PCCA: variants seen among roughly 807,000 people sequenced by gnomAD.
PCCA encodes propionyl-CoA carboxylase subunit alpha.
PCCA carries 74 observed loss-of-function variants against 101.3 expected under a neutral mutation model. That is an observed-to-expected ratio of 0.73 (90% confidence interval 0.61 to 0.89). The LOEUF is 0.89. Ranked by LOEUF, PCCA falls within the 40% of genes least tolerant of loss-of-function variation. The pLI is 0.00. For missense variants in PCCA, 891 were observed against 907.0 expected, an observed-to-expected ratio of 0.98 and a Z score of 0.23; for synonymous variants, 294 against 313.6, an observed-to-expected ratio of 0.94 and a Z score of 0.66.
Position 100,422,118 on chromosome 13 carries a change from C to CTTTG in PCCA, c.1747-3512_1747-3511insGTTT, listed in dbSNP as rs1567109563. 5.9e-5 allele frequency among the ~76,000 whole-genome samples: 3 copies of CTTTG among 51,184 alleles called. No individual in the cohort carries two copies. In the East Asian group the frequency reaches 1.9e-3, roughly 32 times the overall value. The allele number at this position is 51,184 out of a possible 152,430, so 33.6% of individuals were successfully genotyped here. ...TCTTTCTTTCTTTCTTTCTTTCTTTCTTTTCTTTCTTTCTTTCTTTTTTTT... is the reference window on the plus strand; with the variant it reads ...TCTTTCTTTCTTTCTTTCTTTCTTTCTTTGTTTTCTTTCTTTCTTTCTTTTTTTT... On this transcript the variant is annotated intron_variant, in intron 19 of 23. Transcript: ENST00000376285.
intron 19 of PCCA, among the ~76,000 whole-genome samples, chr13:100,384,173 G>A (rs545871145): frequency 6.6e-6 from 1 of 151,980 alleles, no homozygotes; most frequent in Non-Finnish European, 1.5e-5. Context: ...TTACAGGCAC[G>A]TGCCACCACG....
At chr13:100,469,208 TC>T (rs1451404331) in intron 21 of PCCA, among the ~76,000 whole-genome samples, 3 of 25,714 alleles carry the variant, frequency 1.2e-4, no homozygotes, top group African/African-American at 6.4e-4. Context: ...TGAAACTCCG[TC>T]TCAAAAAAAA....
intron 19 of PCCA, among the ~76,000 whole-genome samples, chr13:100,372,017 T>C (rs1004053486): frequency 1.3e-5 from 2 of 152,176 alleles, no homozygotes; most frequent in African/African-American, 4.8e-5. Flanking sequence ...AAGACCTAAA[T>C]GTAAGAGCTA....
chr13:100,523,484 A>G (rs1176524835), intron 22 of PCCA, among the ~76,000 whole-genome samples: 3 of 152,132 alleles, frequency 2.0e-5, no homozygotes, highest in African/African-American at 7.2e-5. Context: ...ATCACTCACA[A>G]TTCATCATCA....
chr13:100,200,281 T>G (rs1273415577), intron 6 of PCCA, among the ~76,000 whole-genome samples: 1 of 152,124 alleles, frequency 6.6e-6, no homozygotes, highest in Non-Finnish European at 1.5e-5. Flanking sequence ...TGTTTTTGTA[T>G]TTTTAGTATA....
At chr13:100,484,889 T>A (rs2084248475) in intron 21 of PCCA, among the ~76,000 whole-genome samples, 2 of 151,918 alleles carry the variant, frequency 1.3e-5, no homozygotes, top group Admixed American at 1.3e-4. Context: ...CAAGTTCTGG[T>A]GGTGACTGGT....
chr13:100,153,391 A>G (rs1308970342), intron 4 of PCCA, among the ~76,000 whole-genome samples: 1 of 152,214 alleles, frequency 6.6e-6, no homozygotes, highest in Non-Finnish European at 1.5e-5. Context: ...GTACTTGGGA[A>G]AGATCCAGTG....
intron 21 of PCCA, among the ~76,000 whole-genome samples, chr13:100,459,994 G>A (rs368579803): frequency 1.4e-4 from 21 of 152,176 alleles, no homozygotes; most frequent in African/African-American, 2.4e-4. Context: ...GAAAGGCTGC[G>A]TCTCCAAATA....
intron 18 of PCCA, among the ~76,000 whole-genome samples, chr13:100,346,787 C>A (rs1448564114): frequency 6.6e-6 from 1 of 152,182 alleles, no homozygotes; most frequent in African/African-American, 2.4e-5. Context: ...CAGCATCCAT[C>A]AGCCTGATCA....
intron 10 of PCCA, among the ~76,000 whole-genome samples, chr13:100,267,963 A>G (rs916505987): frequency 2.0e-5 from 3 of 152,090 alleles, no homozygotes; most frequent in African/African-American, 7.2e-5. Flanking sequence ...AATGCTTGGG[A>G]CCAGAAGTGT....
At chr13:100,106,700 C>T (rs964048705) in intron 2 of PCCA, among the ~76,000 whole-genome samples, 12 of 152,112 alleles carry the variant, frequency 7.9e-5, no homozygotes, top group Non-Finnish European at 1.8e-4. Flanking sequence ...TAGGCATGAG[C>T]GACCGTGCCT....
At chr13:100,447,730 T>C (rs1029800024) in intron 20 of PCCA, among the ~76,000 whole-genome samples, 7 of 152,198 alleles carry the variant, frequency 4.6e-5, no homozygotes, top group African/African-American at 7.2e-5. Flanking sequence ...TGATTTTTTT[T>C]CTACTCTATA....
chr13:100,353,588 A>G (rs2073549968), intron 18 of PCCA, among the ~76,000 whole-genome samples: 1 of 152,184 alleles, frequency 6.6e-6, no homozygotes, highest in Non-Finnish European at 1.5e-5. Context: ...TAAACATCAC[A>G]ACATCTAAAA....
At chr13:100,090,780 G>T (rs557781148) in intron 1 of PCCA, among the ~76,000 whole-genome samples, 2 of 152,274 alleles carry the variant, frequency 1.3e-5, no homozygotes, top group African/African-American at 4.8e-5. Flanking sequence ...CACAACAGTC[G>T]TATGTCCCCC....
chr13:100,311,037 C>T (rs1341512933), intron 16 of PCCA, among the ~76,000 whole-genome samples: 3 of 151,698 alleles, frequency 2.0e-5, no homozygotes, highest in Non-Finnish European at 4.4e-5. Flanking sequence ...AGTTCAAGAC[C>T]AGCTGGGCAA....
intron 19 of PCCA, among the ~76,000 whole-genome samples, chr13:100,406,757 A>C (rs2077706597): frequency 6.6e-6 from 1 of 152,198 alleles, no homozygotes; most frequent in African/African-American, 2.4e-5. Context: ...CTTGACTCTG[A>C]AAAACTAAAC....
At chr13:100,169,287 C>T (rs1043607336) in intron 6 of PCCA, among the ~76,000 whole-genome samples, 1 of 151,738 alleles carries the variant, frequency 6.6e-6, no homozygotes, top group African/African-American at 2.4e-5. Context: ...ACTAATAATA[C>T]AAAAATTAGC....
intron 20 of PCCA, among the ~76,000 whole-genome samples, chr13:100,433,002 T>C (rs1050252238): frequency 2.0e-5 from 3 of 152,238 alleles, no homozygotes; most frequent in Non-Finnish European, 2.9e-5. Flanking sequence ...TAATATTCCA[T>C]TGTGTGAATA....
intron 18 of PCCA, among the ~76,000 whole-genome samples, chr13:100,348,909 C>T (rs1006534243): frequency 1.2e-4 from 9 of 73,924 alleles, no homozygotes; most frequent in South Asian, 5.4e-4. Flanking sequence ...TTCCTTCCTT[C>T]CTTTCTTTTC....
Sources: allele counts gnomAD v4.1 joint callset (sites outside exome capture counted in the v4.1 genomes callset), GRCh38; gene constraint gnomAD v4.1.1; transcripts MANE v1.5; gene names NCBI Gene and HGNC (gene_info 2026-07-23, HGNC 2026-07-21).